The following ADGRL2 variants were observed in gnomAD, a reference collection of about 807,000 sequenced individuals.
The protein encoded by ADGRL2 is calcium-independent alpha-latrotoxin receptor 2.
Under a neutral mutation model 157.4 loss-of-function variants are expected in ADGRL2, and 44 were observed. The ratio of observed to expected loss-of-function variants is 0.28; its 90% CI spans 0.22 to 0.36. ADGRL2 has a LOEUF of 0.36. Among genes scored for constraint, ADGRL2 ranks in the 10% least tolerant of loss-of-function variants. The pLI, the probability that ADGRL2 is intolerant of heterozygous loss-of-function variation, is 1.00. For synonymous variants in ADGRL2, 585 were observed against 624.7 expected (o/e 0.94, Z 0.95); for missense variants, 1,510 against 1,768.9 (o/e 0.85, Z 2.63).
At chr1:81,382,601 C>A (rs1378842796) in intron 1 of ADGRL2, among the ~76,000 whole-genome samples, 3 of 152,050 alleles carry the variant, frequency 2.0e-5, no homozygotes, top group African/African-American at 7.2e-5. Flanking sequence ...GTGGGGGAAG[C>A]AGAGGCAAAT....
intron 2 of ADGRL2, among the ~76,000 whole-genome samples, chr1:81,486,063 C>G (rs2078493732): frequency 6.6e-6 from 1 of 152,142 alleles, no homozygotes; most frequent in South Asian, 2.1e-4. Flanking sequence ...TTAAATATTT[C>G]TTTTGAATAT....
At chr1:81,653,581 T>C (rs1035344897) in intron 3 of ADGRL2, among the ~76,000 whole-genome samples, 6 of 152,158 alleles carry the variant, frequency 3.9e-5, no homozygotes, top group Non-Finnish European at 8.8e-5. Context: ...CACAATGGGG[T>C]ACATACCTAC....
intron 1 of ADGRL2, among the ~76,000 whole-genome samples, chr1:81,813,758 A>G (rs892519322): frequency 6.6e-6 from 1 of 151,768 alleles, no homozygotes; most frequent in Non-Finnish European, 1.5e-5. Flanking sequence ...GGTTTTTAAT[A>G]TAATAGGCAC....
intron 2 of ADGRL2, among the ~76,000 whole-genome samples, chr1:81,545,612 A>G (rs1298633462): frequency 1.3e-5 from 2 of 152,108 alleles, no homozygotes; most frequent in Admixed American, 6.6e-5. Flanking sequence ...TAAGTTCCAG[A>G]TACTGAAACA....
chr1:81,924,482 T>A (rs1289635131), intron 3 of ADGRL2, among the ~76,000 whole-genome samples: 3 of 152,064 alleles, frequency 2.0e-5, no homozygotes, highest in Admixed American at 2.0e-4. Context: ...TAGAGACGAG[T>A]ACTGAGCCAT....
rs1007648780 is a variant in ADGRL2, at chr1:81,502,181, G to C, written c.-248+57092G>C. ...GAAAGTAGCTCGCCAAGATCCCAGA[G>C]TGGCACCCATGTCCAATCTACTTCC... On this transcript the variant is annotated intron_variant, in intron 2 of 24. Coordinates refer to the ADGRL2 transcript ENST00000370721. 7.5e-6 allele frequency: 12 copies of C among 1,593,496 alleles called. No individual in the cohort carries two copies. The African/African-American group carries it at 1.6e-4, about 22-fold the overall frequency.
At chr1:81,874,321 A>G (rs1314027737) in intron 2 of ADGRL2, among the ~76,000 whole-genome samples, 1 of 152,178 alleles carries the variant, frequency 6.6e-6, no homozygotes, top group Non-Finnish European at 1.5e-5. Context: ...CAGAATATTG[A>G]TTAAACATTT....
At chr1:81,515,588 T>C (rs1250287696) in intron 2 of ADGRL2, among the ~76,000 whole-genome samples, 1 of 152,234 alleles carries the variant, frequency 6.6e-6, no homozygotes, top group Admixed American at 6.5e-5. Flanking sequence ...TTTTATAGTT[T>C]TCATTATTCT....
intron 3 of ADGRL2, among the ~76,000 whole-genome samples, chr1:81,918,903 A>G (rs1320066845): frequency 2.0e-5 from 3 of 152,078 alleles, no homozygotes; most frequent in Non-Finnish European, 4.4e-5. Context: ...TTTCTAAATA[A>G]CCATTCACTT....
Position 81,899,396 on chromosome 1 carries a change from T to C in ADGRL2, c.74-7621T>C, listed in dbSNP as rs973965961. 3.6e-4 allele frequency among the ~76,000 whole-genome samples: 55 copies of C among 152,312 alleles called. 1 individual carries two copies. Among genetic ancestry groups the C allele is most frequent in the African/African-American group, 1.3e-3 (55 of 41,576 alleles). ...ATTAGGAATTACCCCTGAATGTGAATGATTTCAGTCTTAAGTTGCTGCACC... is the reference window on the plus strand; with the variant it reads ...ATTAGGAATTACCCCTGAATGTGAACGATTTCAGTCTTAAGTTGCTGCACC... On this transcript the variant is annotated intron_variant, in intron 2 of 23. Coordinates refer to ENST00000686636, the MANE Select transcript of ADGRL2 (RefSeq NM_001366006.2).
chr1:81,941,983 C>T, intron 4 of ADGRL2, 51 bp from the exon 5 acceptor site: 1 of 745,140 alleles, frequency 1.3e-6, no homozygotes, highest in Non-Finnish European at 2.5e-6. Context: ...AATCTTTTTT[C>T]TTTTTTCCTT....
At chr1:81,896,892 TC>T (rs2094399694) in intron 2 of ADGRL2, among the ~76,000 whole-genome samples, 1 of 152,184 alleles carries the variant, frequency 6.6e-6, no homozygotes, top group Non-Finnish European at 1.5e-5. Flanking sequence ...ATTTTGTCAC[TC>T]CATAAAGAAC....
At chr1:81,852,731 C>G (rs969126216) in intron 2 of ADGRL2, among the ~76,000 whole-genome samples, 3 of 152,018 alleles carry the variant, frequency 2.0e-5, no homozygotes, top group Non-Finnish European at 4.4e-5. Flanking sequence ...TTCTCATCCT[C>G]TCTGTCAACT....
chr1:81,719,405 A>G (rs987735727), intron 1 of ADGRL2, among the ~76,000 whole-genome samples: 21 of 152,140 alleles, frequency 1.4e-4, no homozygotes, highest in Admixed American at 8.5e-4. Flanking sequence ...TCAGTTTTTT[A>G]TCTTCGTCTA....
At chr1:81,788,636 C>T (rs887948759) in intron 2 of ADGRL2, among the ~76,000 whole-genome samples, 1 of 152,276 alleles carries the variant, frequency 6.6e-6, no homozygotes, top group Non-Finnish European at 1.5e-5. Flanking sequence ...GAAGGTAAAG[C>T]CTCTCCTCCT....
At chr1:81,335,657 A>G (rs1461720548) in intron 1 of ADGRL2, among the ~76,000 whole-genome samples, 1 of 152,064 alleles carries the variant, frequency 6.6e-6, no homozygotes, top group Non-Finnish European at 1.5e-5. Context: ...CCACAACTCC[A>G]TTTTCCCTAA....
intron 3 of ADGRL2, among the ~76,000 whole-genome samples, chr1:81,631,789 C>T (rs1346115734): frequency 3.3e-5 from 5 of 152,118 alleles, no homozygotes; most frequent in East Asian, 1.9e-4. Context: ...ACATGATTAT[C>T]GCCATTCTCA....
chr1:81,623,557 G>T (rs2081842516), intron 3 of ADGRL2, among the ~76,000 whole-genome samples: 1 of 151,750 alleles, frequency 6.6e-6, no homozygotes. Context: ...TGGAAATAGG[G>T]TATTTGCAGA....
At chr1:81,899,549 A>G (rs894342012) in intron 2 of ADGRL2, among the ~76,000 whole-genome samples, 3 of 152,280 alleles carry the variant, frequency 2.0e-5, no homozygotes, top group Non-Finnish European at 4.4e-5. Flanking sequence ...AAATGGAGCA[A>G]AACAGTTCAT....
Sources: gnomAD v4.1 joint callset for allele counts (sites outside exome capture counted in the v4.1 genomes callset) on GRCh38, gnomAD v4.1.1 for gene constraint, MANE v1.5 for transcripts, NCBI Gene and HGNC (gene_info 2026-07-23, HGNC 2026-07-21) for gene names.